Variants in SHISA9 observed in about 807,000 individuals in gnomAD.
The protein encoded by SHISA9 is protein shisa-9.
Under a neutral mutation model 38.0 loss-of-function variants are expected in SHISA9, and 13 were observed. The observed-to-expected ratio is 0.34, with a 90% CI of 0.22 to 0.54. The LOEUF (loss-of-function observed/expected upper bound fraction) is 0.54, where lower values mean the gene tolerates loss of function less well. Among genes scored for constraint, SHISA9 ranks in the 20% least tolerant of loss-of-function variants. The pLI is 0.91. For synonymous variants in SHISA9, 275 were observed against 242.0 expected (o/e 1.14, Z -1.27); for missense variants, 538 against 575.8 (o/e 0.93, Z 0.67).
Position 12,908,370 on chromosome 16 carries a change from CA to C in SHISA9, c.563+5746del. On this transcript the variant is annotated intron_variant, in intron 1 of 4. Coordinates refer to ENST00000558583, the MANE Select transcript of SHISA9 (RefSeq NM_001145204.3). ...ATATGTGACTACGTTAAATACATTG[CA>C]AAGTGTTGGCCTAAGTGGTGTTGAA... The C allele has an allele frequency of 1.3e-6, 2 of 1,491,354 alleles. 1 individual carries two copies. The highest frequency in any genetic ancestry group is 1.8e-6 in the Non-Finnish European group (2 of 1,118,582). The allele number at this position is 1,491,354 out of a possible 1,614,324, so 92.4% of individuals were successfully genotyped here.
intron 2 of SHISA9, among the ~76,000 whole-genome samples, chr16:13,146,339 AG>A (rs1181786936): frequency 1.3e-5 from 2 of 152,206 alleles, no homozygotes; most frequent in Non-Finnish European, 2.9e-5. Flanking sequence ...ATTAGGAGGA[AG>A]TTAGGTGCAT....
the SHISA9 span, among the ~76,000 whole-genome samples, chr16:13,296,016 C>A: frequency 6.6e-6 from 1 of 152,114 alleles, no homozygotes; most frequent in Non-Finnish European, 1.5e-5. Context: ...AGGATTTTTT[C>A]ATGCCTTTCT....
At chr16:13,395,285 G>A in the SHISA9 span, among the ~76,000 whole-genome samples, 4 of 152,180 alleles carry the variant, frequency 2.6e-5, no homozygotes, top group Admixed American at 1.3e-4. Context: ...GAACCGTGCA[G>A]ACTTGGACTA....
chr16:13,513,865 A>C, the SHISA9 span, among the ~76,000 whole-genome samples: 1 of 152,162 alleles, frequency 6.6e-6, no homozygotes. Flanking sequence ...ATTAGGACAA[A>C]TACCTAATGC....
the SHISA9 span, among the ~76,000 whole-genome samples, chr16:13,507,568 C>A: frequency 7.0e-3 from 1,069 of 152,234 alleles, 6 homozygotes; most frequent in African/African-American, 0.022. Flanking sequence ...TAAGAAGGAA[C>A]CCAGGTGATT....
chr16:12,959,911 A>G (rs2071887123), intron 2 of SHISA9, among the ~76,000 whole-genome samples: 1 of 152,244 alleles, frequency 6.6e-6, no homozygotes, highest in African/African-American at 2.4e-5. Context: ...CTTTTTAAAA[A>G]ATTAATAACC....
At chr16:13,348,760 G>A in the SHISA9 span, among the ~76,000 whole-genome samples, 4 of 151,964 alleles carry the variant, frequency 2.6e-5, no homozygotes, top group Non-Finnish European at 2.9e-5. Context: ...CAATCATGGA[G>A]GTCCGATCTG....
the SHISA9 span, among the ~76,000 whole-genome samples, chr16:13,439,652 T>C: frequency 1.3e-5 from 2 of 152,114 alleles, no homozygotes; most frequent in East Asian, 3.9e-4. Flanking sequence ...CACAAAAAAA[T>C]GGCAGAAACT....
intron 2 of SHISA9, among the ~76,000 whole-genome samples, chr16:13,199,854 A>C (rs1430898861): frequency 6.6e-6 from 1 of 152,148 alleles, no homozygotes; most frequent in Non-Finnish European, 1.5e-5. Context: ...TGTATAGCAC[A>C]ATGAGCCCTC....
chr16:13,484,133 C>T, the SHISA9 span, among the ~76,000 whole-genome samples: 1 of 152,164 alleles, frequency 6.6e-6, no homozygotes, highest in Non-Finnish European at 1.5e-5. Flanking sequence ...AGAGGACACC[C>T]AGCTGGTATT....
chr16:13,498,814 A>G, the SHISA9 span, among the ~76,000 whole-genome samples: 3 of 152,266 alleles, frequency 2.0e-5, no homozygotes, highest in East Asian at 3.9e-4. Context: ...AAGATGTCCA[A>G]TGTAGTAAGA....
chr16:13,557,650 C>CG, the SHISA9 span, among the ~76,000 whole-genome samples: 1 of 152,284 alleles, frequency 6.6e-6, no homozygotes, highest in East Asian at 1.9e-4. Flanking sequence ...GAGAGAACCA[C>CG]GCCAAGGTGC....
At chr16:13,206,243 C>G (rs2051062741) in intron 3 of SHISA9, among the ~76,000 whole-genome samples, 1 of 152,138 alleles carries the variant, frequency 6.6e-6, no homozygotes, top group Non-Finnish European at 1.5e-5. Flanking sequence ...TCTATTCTCA[C>G]ATAGTTTTGG....
Position 12,989,817 on chromosome 16 carries a change from T to C in SHISA9, c.691+73002T>C, listed in dbSNP as rs74336007. ...TATGTTCAGGGGTCCATGTGTAGGA[T>C]GTGCAGGTTTGTTACATGGATAAAC... On this transcript the variant is annotated intron_variant, in intron 2 of 4. Coordinates refer to ENST00000558583, the MANE Select transcript of SHISA9 (RefSeq NM_001145204.3). Among the ~76,000 whole-genome samples, 265 of 152,248 alleles carry C rather than the reference T, an allele frequency of 1.7e-3. 8 individuals are homozygous for C. The East Asian group carries it at 0.045, about 26-fold the overall frequency.
chr16:13,542,595 C>A, the SHISA9 span, among the ~76,000 whole-genome samples: 1,671 of 152,120 alleles, frequency 0.011, 25 homozygotes, highest in African/African-American at 0.035. Context: ...TAAGTATGCC[C>A]CCCCCTACTC....
downstream of SHISA9, among the ~76,000 whole-genome samples, chr16:13,244,564 C>T (rs533675434): frequency 5.9e-5 from 9 of 152,120 alleles, no homozygotes; most frequent in Non-Finnish European, 1.0e-4. Flanking sequence ...TACATACATA[C>T]ATAAAATACA....
chr16:13,010,277 C>A (rs1401787488), intron 2 of SHISA9, among the ~76,000 whole-genome samples: 1 of 152,160 alleles, frequency 6.6e-6, no homozygotes, highest in East Asian at 1.9e-4. Context: ...AACCTCTTTG[C>A]AGGTTGACAT....
chr16:13,101,557 A>G (rs745701065), intron 2 of SHISA9, among the ~76,000 whole-genome samples: 1 of 152,230 alleles, frequency 6.6e-6, no homozygotes, highest in Admixed American at 6.5e-5. Context: ...GTTTGGGTTG[A>G]TGGTCTTATT....
At chr16:13,363,944 T>C in the SHISA9 span, among the ~76,000 whole-genome samples, 4 of 152,170 alleles carry the variant, frequency 2.6e-5, no homozygotes, top group Admixed American at 2.6e-4. Context: ...ACCTGCTGGA[T>C]CAGAAACTCT....
Sources: gnomAD v4.1 joint callset for allele counts (sites outside exome capture counted in the v4.1 genomes callset) on GRCh38, gnomAD v4.1.1 for gene constraint, MANE v1.5 for transcripts, NCBI Gene and HGNC (gene_info 2026-07-23, HGNC 2026-07-21) for gene names.